HRH4: variants seen among roughly 807,000 people sequenced by gnomAD.
The protein encoded by HRH4 is histamine H4 receptor.
A neutral mutation model predicts 10.4 loss-of-function variants in HRH4; 12 were observed. That is an observed-to-expected ratio of 1.15 (90% CI 0.74 to 1.87). The LOEUF is 1.87. Ranked by LOEUF, HRH4 falls within the 40% of genes most tolerant of loss-of-function variation. HRH4 has a pLI of 0.00. For missense variants in HRH4, 415 were observed against 453.3 expected (o/e 0.92, Z 0.77); for synonymous variants, 154 against 166.6 (o/e 0.92, Z 0.58).
chr18:24,470,077 A>T (rs1477650491), intron 2 of HRH4, among the ~76,000 whole-genome samples: 1 of 152,188 alleles, frequency 6.6e-6, no homozygotes, highest in Admixed American at 6.5e-5. Context: ...ACAGTGACAG[A>T]TCTAGCCTGG....
chr18:24,462,683 G>A (rs1032301964), intron 1 of HRH4, among the ~76,000 whole-genome samples: 3 of 152,100 alleles, frequency 2.0e-5, no homozygotes, highest in Non-Finnish European at 4.4e-5. Flanking sequence ...TTCTAGTTGG[G>A]GAGATTGATT....
chr18:24,475,227 C>A (rs1910104558), intron 2 of HRH4, among the ~76,000 whole-genome samples: 1 of 151,964 alleles, frequency 6.6e-6, no homozygotes, highest in Non-Finnish European at 1.5e-5. Flanking sequence ...GAATATTCTT[C>A]ATCCTTAAAA....
intron 2 of HRH4, among the ~76,000 whole-genome samples, chr18:24,472,172 AGTAGCTGGGATTACAGGCGCGTG>A (rs1909987623): frequency 6.6e-6 from 1 of 152,028 alleles, no homozygotes; most frequent in Non-Finnish European, 1.5e-5. Context: ...CAGCCTCCTG[AGTAGCTGGGATTACAGGCGCGTG>A]CCAGCGCGCT....
At chr18:24,469,718 G>A (rs979536958) in intron 2 of HRH4, among the ~76,000 whole-genome samples, 1 of 152,126 alleles carries the variant, frequency 6.6e-6, no homozygotes. Context: ...CTAAGTGCTG[G>A]GATACAGAAG....
Position 24,477,745 on chromosome 18 carries a change from A to G in HRH4, c.*183A>G, listed in dbSNP as rs907671251. On this transcript the variant is annotated 3_prime_UTR_variant, in exon 3 of 3. Coordinates refer to ENST00000256906, the MANE Select transcript of HRH4 (RefSeq NM_021624.4). ...AATATTTTTGTAAACTTGTAGTCATAATAGTACTATATTCTTCTTAGTCCT... is the reference window on the plus strand; with the variant it reads ...AATATTTTTGTAAACTTGTAGTCATGATAGTACTATATTCTTCTTAGTCCT... The G allele has an allele frequency of 2.2e-5, 11 of 501,790 alleles. No homozygotes were observed. Among genetic ancestry groups the G allele is most frequent in the Non-Finnish European group, 3.5e-5 (10 of 285,160 alleles). 31.1% of individuals were successfully genotyped at this position (501,790 alleles called of 1,614,324 possible).
Position 24,460,867 on chromosome 18 carries a change from A to G in HRH4, c.139A>G (p.Arg47Gly), listed in dbSNP as rs1909616260. ...AGCTTTTGTGGTGGACAAAAACCTT[A>G]GACATCGAAGTAGTTATTTTTTTCT... ...ILAFVVDKNL[R>G]HRSSYFFLNL... is the part of the protein sequence containing the mutation. The change falls in exon 1 of 3, where the codon AGA becomes GGA. Residue 47 changes from arginine (R) to glycine (G), a missense_variant. Transcript: ENST00000256906. The G allele has an allele frequency of 6.3e-7, 1 of 1,586,636 alleles. No individual in the cohort carries two copies. Among genetic ancestry groups the G allele is most frequent in the Non-Finnish European group, 8.6e-7 (1 of 1,160,536 alleles).
At chr18:24,476,088 T>C (rs190748496) in intron 2 of HRH4, among the ~76,000 whole-genome samples, 128 of 152,338 alleles carry the variant, frequency 8.4e-4, no homozygotes, top group African/African-American at 2.7e-3. Flanking sequence ...AGAGTCTTTC[T>C]GTTTTTGATT....
At chr18:24,463,006 C>T (rs1428427961) in intron 1 of HRH4, among the ~76,000 whole-genome samples, 1 of 152,112 alleles carries the variant, frequency 6.6e-6, no homozygotes, top group East Asian at 1.9e-4. Context: ...TTTTACTAAC[C>T]CAAAGGGAGT....
chr18:24,472,404 GT>G (rs1453884457), intron 2 of HRH4, among the ~76,000 whole-genome samples: 1 of 152,154 alleles, frequency 6.6e-6, no homozygotes, highest in African/African-American at 2.4e-5. Flanking sequence ...AATTCAGGCT[GT>G]AAACTTGGTG....
At chr18:24,469,301 C>T (rs1337216195) in intron 2 of HRH4, among the ~76,000 whole-genome samples, 1 of 152,032 alleles carries the variant, frequency 6.6e-6, no homozygotes, top group African/African-American at 2.4e-5. Flanking sequence ...ATATATTCCT[C>T]GGAATGGAAC....
chr18:24,465,895 C>A (rs1194127277), intron 1 of HRH4, among the ~76,000 whole-genome samples: 1 of 152,112 alleles, frequency 6.6e-6, no homozygotes, highest in African/African-American at 2.4e-5. Flanking sequence ...ATTTACCTCC[C>A]ACCCCCTGCC....
intron 1 of HRH4, among the ~76,000 whole-genome samples, chr18:24,462,352 T>G (rs978050280): frequency 6.6e-6 from 1 of 152,102 alleles, no homozygotes; most frequent in Non-Finnish European, 1.5e-5. Context: ...GGAGAGTGGT[T>G]GAACAGATCA....
intron 1 of HRH4, among the ~76,000 whole-genome samples, chr18:24,466,337 G>A (rs569536554): frequency 1.6e-4 from 23 of 144,708 alleles, no homozygotes; most frequent in African/African-American, 5.2e-4. Context: ...TGCCCAGGCT[G>A]GTCTCCAACT....
intron 2 of HRH4, among the ~76,000 whole-genome samples, chr18:24,473,133 CGACAGAGCAA>C (rs1910025067): frequency 6.6e-6 from 1 of 151,528 alleles, no homozygotes; most frequent in South Asian, 2.1e-4. Flanking sequence ...CCAGCCTGGG[CGACAGAGCAA>C]GACTCTGTCT....
At position 24,460,818 on chromosome 18, in the gene HRH4, G is replaced by A. The variant is rs1422530312; in HGVS notation, c.90G>A (p.Met30Ile). 3 of 1,589,210 alleles carry A rather than the reference G, an allele frequency of 1.9e-6. No individual in the cohort carries two copies. The highest frequency in any genetic ancestry group is 1.7e-4 in the Middle Eastern group (1 of 5,970). ...TGTCCTTAGTAGCTTTTGCTATAAT[G>A]CTAGGAAATGCTTTGGTCATTTTAG... ...FFMSLVAFAI[M>I]LGNALVILAF... is the part of the protein sequence containing the mutation. Residue 30 changes from methionine to isoleucine, a missense_variant, in exon 1 of 3, where the codon ATG becomes ATA. Physicochemically the swap from Met to Ile is conservative, Grantham distance 10. Transcript: ENST00000256906.
chr18:24,473,119 C>T (rs922467360), intron 2 of HRH4, among the ~76,000 whole-genome samples: 2 of 151,958 alleles, frequency 1.3e-5, no homozygotes, highest in East Asian at 3.9e-4. Context: ...CGCACCACTG[C>T]ACTCCAGCCT....
Position 24,468,931 on chromosome 18 carries a change from T to G in HRH4, c.337T>G (p.Tyr113Asp). Residue 113 changes from tyrosine (Y) to aspartate (D), a missense_variant, in exon 2 of 3, where the codon TAC becomes GAC. Coordinates refer to ENST00000256906, the MANE Select transcript of HRH4 (RefSeq NM_021624.4). ...YNIVLISYDR[Y>D]LSVSNAVSYR... ...CATTGTCCTCATCAGCTATGATCGATACCTGTCAGTCTCAAATGCTGTAAG... is the reference window on the plus strand; with the variant it reads ...CATTGTCCTCATCAGCTATGATCGAGACCTGTCAGTCTCAAATGCTGTAAG... 1 of 1,607,466 alleles carries G rather than the reference T, an allele frequency of 6.2e-7. No homozygotes were observed. The highest frequency in any genetic ancestry group is 1.7e-5 in the Admixed American group (1 of 58,620).
chr18:24,473,386 C>T (rs1208109559), intron 2 of HRH4, among the ~76,000 whole-genome samples: 1 of 152,162 alleles, frequency 6.6e-6, no homozygotes, highest in Admixed American at 6.5e-5. Flanking sequence ...GGAGACTAGA[C>T]ATTTGAAATC....
intron 2 of HRH4, among the ~76,000 whole-genome samples, chr18:24,471,232 G>A (rs1182591874): frequency 6.6e-6 from 1 of 151,940 alleles, no homozygotes; most frequent in Admixed American, 6.6e-5. Flanking sequence ...CAAACTGCTG[G>A]CCTTGACCCA....
Sources: allele counts gnomAD v4.1 joint callset (sites outside exome capture counted in the v4.1 genomes callset), GRCh38; gene constraint gnomAD v4.1.1; transcripts MANE v1.5; gene names NCBI Gene and HGNC (gene_info 2026-07-23, HGNC 2026-07-21).